MYOM1: variants seen among roughly 807,000 people sequenced by gnomAD.
The protein encoded by MYOM1 is myomesin-1.
A neutral mutation model predicts 205.3 loss-of-function variants in MYOM1; 164 were observed. The observed-to-expected ratio is 0.80, with a 90% CI of 0.70 to 0.91. MYOM1 has a LOEUF of 0.91. MYOM1 is among the 40% of genes least tolerant of loss of function. The pLI is 0.00. For missense variants in MYOM1, 2,011 were observed against 2,127.3 expected (o/e 0.95, Z 1.08); for synonymous variants, 772 against 789.4 (o/e 0.98, Z 0.37).
the MYOM1 span, among the ~76,000 whole-genome samples, chr18:3,225,149 A>G: frequency 2.0e-5 from 3 of 151,376 alleles, no homozygotes; most frequent in South Asian, 4.2e-4. Context: ...CACCACGCCC[A>G]ACTAATTTTT....
intron 17 of MYOM1, among the ~76,000 whole-genome samples, chr18:3,131,164 T>C (rs2079870017): frequency 1.3e-5 from 2 of 152,204 alleles, no homozygotes; most frequent in Admixed American, 1.3e-4. Flanking sequence ...GAAAAGGCTA[T>C]GGATGCACAG....
Position 3,188,747 on chromosome 18 carries a change from C to G in MYOM1, c.771+1G>C. On this transcript the variant is annotated splice_donor_variant, in intron 4 of 37. Transcript: ENST00000356443. LOFTEE classifies it high-confidence loss of function. ...AGTTACTTTAAACTGTCTTTTCTTA[C>G]TGTTTTCCTCAGGGACAGGCGTTCT... The G allele has an allele frequency of 6.4e-7, 1 of 1,564,388 alleles. No individual in the cohort carries two copies. Among genetic ancestry groups the G allele is most frequent in the Non-Finnish European group, 8.7e-7 (1 of 1,154,636 alleles).
chr18:3,100,631 G>T lies in MYOM1; in HGVS notation c.3576-205C>A, dbSNP rs540318730. ...GACTTTCCTTACCTCCTTCCAGGGG[G>T]TGATGGTGACGGGAGAGTGGAACTG... On this transcript the variant is annotated intron_variant, in intron 23 of 37. Transcript: ENST00000356443. Among the ~76,000 whole-genome samples the T allele has an allele frequency of 6.6e-5, 10 of 152,306 alleles. No homozygotes were observed. The South Asian group carries it at 2.1e-3, about 32-fold the overall frequency.
intron 2 of MYOM1, among the ~76,000 whole-genome samples, chr18:3,204,959 G>C (rs539627470): frequency 1.3e-5 from 2 of 152,052 alleles, no homozygotes; most frequent in Non-Finnish European, 2.9e-5. Flanking sequence ...AATTTAATGG[G>C]GGAAGGGATA....
chr18:3,075,365 C>T (rs1425783541), intron 36 of MYOM1, 89 bp downstream of exon 36: 1 of 1,255,232 alleles, frequency 8.0e-7, no homozygotes, highest in Non-Finnish European at 1.1e-6. Flanking sequence ...TTCCATTCTC[C>T]TCCATCTGTA....
intron 8 of MYOM1, 125 bp from the exon 9 acceptor site, chr18:3,169,106 A>ACTGG: frequency 1.2e-6 from 1 of 814,218 alleles, no homozygotes; most frequent in East Asian, 2.7e-5. Context: ...AAATGATTTA[A>ACTGG]CTGGGTCAAA....
chr18:3,150,697 T>G (rs2143985163), intron 12 of MYOM1, among the ~76,000 whole-genome samples: 1 of 152,328 alleles, frequency 6.6e-6, no homozygotes, highest in African/African-American at 2.4e-5. Flanking sequence ...TTACGTTCCC[T>G]ATTGTTGGAG....
Position 3,135,379 on chromosome 18 carries a change from A to C in MYOM1, c.2209+168T>G. 1.8e-6 allele frequency: 1 copy of C among 565,174 alleles called. No individual in the cohort carries two copies. Among genetic ancestry groups the C allele is most frequent in the East Asian group, 3.0e-5 (1 of 33,428 alleles). The allele number at this position is 565,174 out of a possible 1,614,324, so 35.0% of individuals were successfully genotyped here. ...CTCCCAAAGAAGTTTACTTTTCATA[A>C]ACAAAAATAATGAATTTTTGTTTAA... is the stretch of plus-strand genomic sequence containing the variant. On this transcript the variant is annotated intron_variant, in intron 15 of 37. Coordinates refer to ENST00000356443, the MANE Select transcript of MYOM1 (RefSeq NM_003803.4). This position sits in a 1 kb window ranked among gnomAD's most constrained non-coding sequence, Gnocchi z 4.1.
chr18:3,186,878 GAGAA>G (rs748726097), intron 5 of MYOM1, among the ~76,000 whole-genome samples: 66 of 142,440 alleles, frequency 4.6e-4, no homozygotes, highest in Admixed American at 1.9e-3. Flanking sequence ...AAGGGAGAGA[GAGAA>G]AGAAAGAAAG....
chr18:3,117,365 T>G (rs1043574272), intron 20 of MYOM1, among the ~76,000 whole-genome samples: 5 of 152,164 alleles, frequency 3.3e-5, no homozygotes, highest in African/African-American at 4.8e-5. Context: ...TAGGTTATGG[T>G]TTACAAAATC....
chr18:3,142,276 A>AG (rs1000267624), intron 13 of MYOM1, among the ~76,000 whole-genome samples: 3 of 150,808 alleles, frequency 2.0e-5, no homozygotes, highest in Non-Finnish European at 3.0e-5. Flanking sequence ...TTTTTTTTGG[A>AG]GGGGGGGAAG....
At chr18:3,202,617 T>C (rs1294615457) in intron 2 of MYOM1, among the ~76,000 whole-genome samples, 2 of 152,140 alleles carry the variant, frequency 1.3e-5, no homozygotes, top group East Asian at 1.9e-4. Context: ...AAAAGCATAA[T>C]TGTAAATGTA....
At chr18:3,168,574 C>A (rs979933795) in intron 9 of MYOM1, among the ~76,000 whole-genome samples, 1 of 152,228 alleles carries the variant, frequency 6.6e-6, no homozygotes, top group Non-Finnish European at 1.5e-5. Context: ...CAGGCATGAG[C>A]CACCACGCCC....
intron 10 of MYOM1, among the ~76,000 whole-genome samples, chr18:3,156,216 G>A (rs768498291): frequency 6.6e-5 from 10 of 152,292 alleles, no homozygotes; most frequent in Admixed American, 6.5e-5. Flanking sequence ...TTTGACCAAC[G>A]CTTTCATAAA....
chr18:3,203,239 A>G (rs192276859), intron 2 of MYOM1, among the ~76,000 whole-genome samples: 40 of 150,922 alleles, frequency 2.7e-4, no homozygotes, highest in African/African-American at 8.7e-4. Flanking sequence ...GTAGCTAGAA[A>G]AAGATAAAAC....
the MYOM1 span, among the ~76,000 whole-genome samples, chr18:3,227,320 A>G: frequency 1.3e-5 from 2 of 152,164 alleles, no homozygotes; most frequent in Non-Finnish European, 2.9e-5. Context: ...ACACTACAAC[A>G]TGGATGAACC....
intron 19 of MYOM1, among the ~76,000 whole-genome samples, chr18:3,122,857 A>G (rs1276590674): frequency 2.6e-5 from 4 of 152,266 alleles, no homozygotes; most frequent in South Asian, 4.1e-4. Context: ...GGGGAATAGA[A>G]GGAAACTTCC....
intron 14 of MYOM1, among the ~76,000 whole-genome samples, chr18:3,136,043 T>C (rs1471213467): frequency 6.6e-6 from 1 of 152,146 alleles, no homozygotes; most frequent in East Asian, 1.9e-4. Context: ...GTTTCCCCCA[T>C]ACTGTTCTCG....
intron 27 of MYOM1, 120 bp downstream of exon 27, chr18:3,090,538 A>G (rs1455387990): frequency 2.3e-6 from 3 of 1,325,886 alleles, no homozygotes; most frequent in African/African-American, 1.5e-5. Flanking sequence ...TATTTTGAAC[A>G]TTAGAAGTCA....
Sources: gnomAD v4.1 joint callset for allele counts (sites outside exome capture counted in the v4.1 genomes callset) on GRCh38, gnomAD v4.1.1 for gene constraint, Gnocchi (gnomAD v3.1) non-coding constraint, MANE v1.5 for transcripts, NCBI Gene and HGNC (gene_info 2026-07-23, HGNC 2026-07-21) for gene names.